The following FLOT2 variants were observed in gnomAD, a reference collection of about 807,000 sequenced individuals.
FLOT2 encodes flotillin 2.
In FLOT2, 35 loss-of-function variants were observed where a neutral mutation model predicts 54.9. The observed-to-expected ratio is 0.64, with a 90% CI of 0.49 to 0.84. The LOEUF is 0.84. FLOT2 is among the 40% of genes least tolerant of loss of function. The pLI, the probability that FLOT2 is intolerant of heterozygous loss-of-function variation, is 0.00. For synonymous variants in FLOT2, 207 were observed against 228.9 expected (o/e 0.90, Z 0.86); for missense variants, 464 against 572.1 (o/e 0.81, Z 1.93).
At chr17:28,888,856 C>A in intron 2 of FLOT2, 89 bp downstream of exon 2, 1 of 728,166 alleles carries the variant, frequency 1.4e-6, no homozygotes, top group East Asian at 5.6e-5. Context: ...GATGCTCTAG[C>A]TGACCCTCAG....
chr17:28,882,781 C>A lies in FLOT2; in HGVS notation c.347-90G>T. The A allele has an allele frequency of 1.2e-6, 1 of 848,856 alleles. No individual in the cohort carries two copies. The highest frequency in any genetic ancestry group is 2.4e-5 in the East Asian group (1 of 41,370). 52.6% of individuals were successfully genotyped at this position (848,856 alleles called of 1,614,324 possible). A position where few individuals can be genotyped will look rare whatever the true frequency, so the allele number is the denominator to read the frequency against. On this transcript the variant is annotated intron_variant, in intron 4 of 10. Coordinates refer to ENST00000394908, the MANE Select transcript of FLOT2 (RefSeq NM_004475.3). The surrounding 1 kb of genome is among the most constrained non-coding windows in gnomAD (Gnocchi z 5.6). Reference sequence around the variant, plus strand: ...ATGCATGTAGAGGTAGGGGTGCATGCGGGGTGCTGCACTCTGAGCTGGGTC... The same window carrying A: ...ATGCATGTAGAGGTAGGGGTGCATGAGGGGTGCTGCACTCTGAGCTGGGTC...
Position 28,882,949 on chromosome 17 carries a change from C to G in FLOT2, c.346+159G>C, listed in dbSNP as rs2039481224. On this transcript the variant is annotated intron_variant, in intron 4 of 10. Coordinates refer to ENST00000394908, the MANE Select transcript of FLOT2 (RefSeq NM_004475.3). This position sits in a 1 kb window ranked among gnomAD's most constrained non-coding sequence, Gnocchi z 5.6. Reference sequence around the variant, plus strand: ...TCCCACCCCTTCACTCATACCCTCTCCTTAACTCAAGTCACCTGAAGTTTT... The same window carrying G: ...TCCCACCCCTTCACTCATACCCTCTGCTTAACTCAAGTCACCTGAAGTTTT... 1 of 777,654 alleles carries G rather than the reference C, an allele frequency of 1.3e-6. No individual in the cohort carries two copies. The highest frequency in any genetic ancestry group is 2.0e-6 in the Non-Finnish European group (1 of 492,562). 48.2% of individuals were successfully genotyped at this position (777,654 alleles called of 1,614,324 possible). A position where few individuals can be genotyped will look rare whatever the true frequency, so the allele number is the denominator to read the frequency against.
chr17:28,894,306 G>C (rs1231049516), intron 1 of FLOT2, among the ~76,000 whole-genome samples: 1 of 151,486 alleles, frequency 6.6e-6, no homozygotes, highest in African/African-American at 2.4e-5. Flanking sequence ...GGGCAACACA[G>C]GGAGACCCTG....
chr17:28,889,232 T>C (rs185718831), intron 1 of FLOT2, among the ~76,000 whole-genome samples: 11 of 152,314 alleles, frequency 7.2e-5, no homozygotes, highest in Admixed American at 3.3e-4. Context: ...AGACAGGCAA[T>C]TTACATAAAG....
At chr17:28,893,682 G>A (rs1295186660) in intron 1 of FLOT2, among the ~76,000 whole-genome samples, 1 of 152,196 alleles carries the variant, frequency 6.6e-6, no homozygotes, top group African/African-American at 2.4e-5. Context: ...AAGACAGGCA[G>A]CCCAGCGCCA....
At chr17:28,896,151 T>C (rs765603310) in intron 1 of FLOT2, among the ~76,000 whole-genome samples, 1 of 152,228 alleles carries the variant, frequency 6.6e-6, no homozygotes, top group Non-Finnish European at 1.5e-5. Flanking sequence ...AAGCTAACAG[T>C]GCATTGACTT....
At position 28,882,980 on chromosome 17, in the gene FLOT2, T is replaced by G. The variant is rs2039481910; in HGVS notation, c.346+128A>C. On this transcript the variant is annotated intron_variant, in intron 4 of 10. Coordinates refer to ENST00000394908, the MANE Select transcript of FLOT2 (RefSeq NM_004475.3). This position sits in a 1 kb window ranked among gnomAD's most constrained non-coding sequence, Gnocchi z 5.6. ...CTCAAGTCACCTGAAGTTTTGAAATTAAATATTTGAGGAAAAGTGTTTTAG... is the reference window on the plus strand; with the variant it reads ...CTCAAGTCACCTGAAGTTTTGAAATGAAATATTTGAGGAAAAGTGTTTTAG... The G allele has an allele frequency of 1.9e-6, 2 of 1,027,862 alleles. No individual in the cohort carries two copies. The highest frequency in any genetic ancestry group is 1.6e-5 in the African/African-American group (1 of 61,694). The allele number at this position is 1,027,862 out of a possible 1,614,324, so 63.7% of individuals were successfully genotyped here. A position where few individuals can be genotyped will look rare whatever the true frequency, so the allele number is the denominator to read the frequency against.
chr17:28,889,064 C>T, intron 1 of FLOT2, 38 bp from the exon 2 acceptor site: 1 of 1,581,536 alleles, frequency 6.3e-7, no homozygotes, highest in Non-Finnish European at 8.7e-7. Flanking sequence ...TCAGTCGGTT[C>T]TTGGGTCTGT....
rs2039417427 is a variant in FLOT2, at chr17:28,879,816, C to G, written c.*745G>C. 1.0e-6 allele frequency: 1 copy of G among 986,104 alleles called. No individual in the cohort carries two copies. Among genetic ancestry groups the G allele is most frequent in the Non-Finnish European group, 1.2e-6 (1 of 830,146 alleles). 61.1% of individuals were successfully genotyped at this position (986,104 alleles called of 1,614,324 possible). ...TTGGGACCAAACCGCACCGCCCCAG[C>G]AGGAACATGCCCATGAAGAGGCCTT... On this transcript the variant is annotated 3_prime_UTR_variant, in exon 11 of 11. Coordinates refer to ENST00000394908, the MANE Select transcript of FLOT2 (RefSeq NM_004475.3).
At position 28,883,141 on chromosome 17, in the gene FLOT2, G is replaced by T. The variant is rs1331463999; in HGVS notation, c.313C>A (p.Gln105Lys). ...NVQDIKNVVL[Q>K]TLEGHLRSIL... is the part of the protein sequence containing the mutation. Reference sequence around the variant, plus strand: ...GAGCGCAGATGTCCCTCCAGGGTCTGCAGGACGACGTTTTTGATGTCCTGC... The same window carrying T: ...GAGCGCAGATGTCCCTCCAGGGTCTTCAGGACGACGTTTTTGATGTCCTGC... The change falls in exon 4 of 11, where the codon CAG becomes AAG. Residue 105 changes from glutamine to lysine, a missense_variant. Gln to Lys is a moderately conservative substitution (Grantham distance 53, BLOSUM62 1). Coordinates refer to ENST00000394908, the MANE Select transcript of FLOT2 (RefSeq NM_004475.3). The surrounding 1 kb of genome is among the most constrained non-coding windows in gnomAD (Gnocchi z 5.0). 6.2e-7 allele frequency: 1 copy of T among 1,614,158 alleles called. No individual in the cohort carries two copies. Among genetic ancestry groups the T allele is most frequent in the Admixed American group, 1.7e-5 (1 of 60,030 alleles).
chr17:28,890,450 G>A (rs1327623862), intron 1 of FLOT2, among the ~76,000 whole-genome samples: 1 of 150,502 alleles, frequency 6.6e-6, no homozygotes, highest in Non-Finnish European at 1.5e-5. Context: ...GCAGTGGTGC[G>A]ATCTCAGCTC....
At chr17:28,888,883 G>C in intron 2 of FLOT2, 62 bp downstream of exon 2, 1 of 1,170,594 alleles carries the variant, frequency 8.5e-7, no homozygotes, top group Non-Finnish European at 1.2e-6. Context: ...GCAGAACAAT[G>C]CTGGAAGCCC....
chr17:28,886,535 CA>C (rs1271381352), intron 2 of FLOT2, among the ~76,000 whole-genome samples: 2 of 152,170 alleles, frequency 1.3e-5, no homozygotes, highest in African/African-American at 4.8e-5. Flanking sequence ...CCAGAATACT[CA>C]GGGATAACCG....
chr17:28,892,953 CCCTTTA>C (rs1393051048), intron 1 of FLOT2: 1 of 152,350 alleles, frequency 6.6e-6, no homozygotes, highest in Non-Finnish European at 1.5e-5. Context: ...ACCCAGCCCA[CCCTTTA>C]CCTTTAACTT....
At chr17:28,887,972 T>G (rs1046228908) in intron 2 of FLOT2, among the ~76,000 whole-genome samples, 1 of 152,136 alleles carries the variant, frequency 6.6e-6, no homozygotes, top group African/African-American at 2.4e-5. Context: ...GCCCTCAGAC[T>G]CCCAGGAGCC....
chr17:28,882,695 G>C lies in FLOT2; in HGVS notation c.347-4C>G, dbSNP rs2039476158. The C allele has an allele frequency of 1.9e-6, 3 of 1,600,564 alleles. No individual in the cohort carries two copies. Among genetic ancestry groups the C allele is most frequent in the East Asian group, 4.5e-5 (2 of 44,816 alleles). ...ATCTGCTCCACTGTCAGGGTCCCTG[G>C]GGGCAGAGGGATCAAGGGCTGGCTC... On this transcript the variant is annotated splice_polypyrimidine_tract_variant and splice_region_variant and intron_variant, in intron 4 of 10. Transcript: ENST00000394908. This position sits in a 1 kb window ranked among gnomAD's most constrained non-coding sequence, Gnocchi z 5.6.
intron 2 of FLOT2, among the ~76,000 whole-genome samples, chr17:28,888,631 A>G (rs561093917): frequency 1.3e-5 from 2 of 152,322 alleles, no homozygotes; most frequent in Non-Finnish European, 2.9e-5. Context: ...TAATCAGGAA[A>G]TCAAGATTCT....
chr17:28,888,034 G>A (rs554220253), intron 2 of FLOT2, among the ~76,000 whole-genome samples: 54 of 152,308 alleles, frequency 3.5e-4, no homozygotes, highest in African/African-American at 1.2e-3. Flanking sequence ...GTGGGGGATG[G>A]GGCAGAGGGG....
rs771088641 is a variant in FLOT2, at chr17:28,882,054, T to G, written c.700-26A>C. The G allele has an allele frequency of 6.2e-7, 1 of 1,614,026 alleles. No individual in the cohort carries two copies. ...CTGTGGCAAGAGGGTGTGTGGCACATTAGAGGCTGGTCACCAAGTCCTGAT... is the reference window on the plus strand; with the variant it reads ...CTGTGGCAAGAGGGTGTGTGGCACAGTAGAGGCTGGTCACCAAGTCCTGAT... On this transcript the variant is annotated intron_variant, in intron 7 of 10. Transcript: ENST00000394908. The surrounding 1 kb of genome is among the most constrained non-coding windows in gnomAD (Gnocchi z 5.6).
Sources: gnomAD v4.1 joint callset for allele counts (sites outside exome capture counted in the v4.1 genomes callset) on GRCh38, gnomAD v4.1.1 for gene constraint, Gnocchi (gnomAD v3.1) non-coding constraint, MANE v1.5 for transcripts, NCBI Gene and HGNC (gene_info 2026-07-23, HGNC 2026-07-21) for gene names.